The following PATJ variants were observed in gnomAD, a reference collection of about 807,000 sequenced individuals.
PATJ encodes inaD-like protein.
In PATJ, 190 loss-of-function variants were observed where a neutral mutation model predicts 224.9. The observed-to-expected ratio is 0.84, with a 90% CI of 0.75 to 0.95. The LOEUF (loss-of-function observed/expected upper bound fraction) is 0.95. Ranked by LOEUF, PATJ falls within the 40% of genes least tolerant of loss-of-function variation. The pLI is 0.00. For missense variants in PATJ, 2,121 were observed against 2,270.3 expected (o/e 0.93, Z 1.34); for synonymous variants, 769 against 820.3 (o/e 0.94, Z 1.07).
intron 41 of PATJ, among the ~76,000 whole-genome samples, chr1:62,134,591 C>T (rs577127589): frequency 1.2e-4 from 18 of 151,950 alleles, no homozygotes; most frequent in African/African-American, 4.3e-4. Context: ...GTGATCCGCC[C>T]GCCTCAGCCT....
At chr1:61,933,796 C>T (rs1331697957) in intron 27 of PATJ, among the ~76,000 whole-genome samples, 1 of 152,184 alleles carries the variant, frequency 6.6e-6, no homozygotes, top group African/African-American at 2.4e-5. Flanking sequence ...TCAGTTTTGG[C>T]TCAAGCCATT....
intron 41 of PATJ, among the ~76,000 whole-genome samples, chr1:62,131,880 T>C (rs1313118684): frequency 6.6e-6 from 1 of 152,108 alleles, no homozygotes; most frequent in Non-Finnish European, 1.5e-5. Context: ...TTATTTTTTT[T>C]TTTTTGAGAT....
intron 1 of PATJ, among the ~76,000 whole-genome samples, chr1:61,757,080 CTT>C (rs55788991): frequency 1.5e-5 from 2 of 129,180 alleles, no homozygotes; most frequent in Non-Finnish European, 3.2e-5. Context: ...GTCACTTTTA[CTT>C]TTTTTTTTTT....
chr1:62,043,297 T>C (rs1299065044), intron 30 of PATJ, among the ~76,000 whole-genome samples: 4 of 152,226 alleles, frequency 2.6e-5, no homozygotes, highest in African/African-American at 9.6e-5. Context: ...GTAATTATAA[T>C]ACCATTGGCA....
intron 27 of PATJ, among the ~76,000 whole-genome samples, chr1:61,989,460 C>T (rs1644944708): frequency 6.6e-6 from 1 of 152,108 alleles, no homozygotes; most frequent in Non-Finnish European, 1.5e-5. Context: ...TCCCATAACC[C>T]AGTGTTATTT....
chr1:61,949,441 A>G lies in PATJ; in HGVS notation c.3670+21612A>G, dbSNP rs528833171. ...AATATACTAAAAATCATTGAATTGT[A>G]TATTTACAGTGAGTGAATTTTATAG... On this transcript the variant is annotated intron_variant, in intron 27 of 43. Coordinates refer to ENST00000642238, the MANE Select transcript of PATJ (RefSeq NM_001350145.3). 2.0e-5 allele frequency among the ~76,000 whole-genome samples: 3 copies of G among 152,352 alleles called. No individual in the cohort carries two copies. The South Asian group carries it at 6.2e-4, about 32-fold the overall frequency.
chr1:62,112,636 G>C (rs894112834), intron 34 of PATJ, among the ~76,000 whole-genome samples: 1 of 152,210 alleles, frequency 6.6e-6, no homozygotes, highest in Non-Finnish European at 1.5e-5. Context: ...CTGACATCTT[G>C]GGGGAGCTCA....
chr1:61,782,814 G>T (rs1158429290), intron 7 of PATJ, among the ~76,000 whole-genome samples: 1 of 152,114 alleles, frequency 6.6e-6, no homozygotes, highest in Non-Finnish European at 1.5e-5. Flanking sequence ...GGTACTTTTT[G>T]TTTTGTTTTG....
At chr1:61,813,818 A>T (rs1570661212) in intron 14 of PATJ, among the ~76,000 whole-genome samples, 1 of 152,100 alleles carries the variant, frequency 6.6e-6, no homozygotes, top group East Asian at 1.9e-4. Context: ...AACTGGCCTA[A>T]TTTTTTCTCT....
chr1:62,128,984 A>T, intron 41 of PATJ, 39 bp downstream of exon 41: 1 of 1,355,308 alleles, frequency 7.4e-7, no homozygotes. Flanking sequence ...TGCAAGGCAG[A>T]TAAGTGGCAT....
At chr1:62,140,766 G>A (rs940607730) in intron 41 of PATJ, among the ~76,000 whole-genome samples, 3 of 152,030 alleles carry the variant, frequency 2.0e-5, no homozygotes, top group Non-Finnish European at 4.4e-5. Context: ...GCAATGAGCT[G>A]GTCTCGGTGG....
intron 26 of PATJ, 141 bp from the exon 27 acceptor site, chr1:61,927,589 T>A: frequency 1.8e-6 from 1 of 567,760 alleles, no homozygotes; most frequent in Non-Finnish European, 3.1e-6. Context: ...ATACATTGTG[T>A]TTGTTTTACA....
rs540477838 is a variant in PATJ, at chr1:62,095,145, G to A, written c.4377+10497G>A. On this transcript the variant is annotated intron_variant, in intron 33 of 43. Coordinates refer to ENST00000642238, the MANE Select transcript of PATJ (RefSeq NM_001350145.3). ...TCTTCAAAGGCAATAATCTTTTATCGTGACCCATGGTGGGAAAGTAGTAGA... is the reference window on the plus strand; with the variant it reads ...TCTTCAAAGGCAATAATCTTTTATCATGACCCATGGTGGGAAAGTAGTAGA... 1.5e-4 allele frequency among the ~76,000 whole-genome samples: 23 copies of A among 152,206 alleles called. No homozygotes were observed. In the Middle Eastern group the frequency reaches 0.01, roughly 68 times the overall value.
intron 31 of PATJ, among the ~76,000 whole-genome samples, chr1:62,052,298 A>G (rs1653771539): frequency 6.6e-6 from 1 of 152,166 alleles, no homozygotes; most frequent in South Asian, 2.1e-4. Flanking sequence ...CATATCCTAG[A>G]AAGTGAGCTT....
At chr1:62,057,527 T>C (rs1654753399) in intron 31 of PATJ, among the ~76,000 whole-genome samples, 1 of 152,176 alleles carries the variant, frequency 6.6e-6, no homozygotes, top group Non-Finnish European at 1.5e-5. Flanking sequence ...GATGCCCTGG[T>C]TGAGAGTTGA....
intron 27 of PATJ, among the ~76,000 whole-genome samples, chr1:61,931,341 A>G (rs115238422): frequency 0.013 from 2,006 of 152,354 alleles, 45 homozygotes; most frequent in African/African-American, 0.042. Flanking sequence ...GATAAGGACT[A>G]TGAATAAAAC....
rs142012872 is a variant in PATJ, at chr1:61,806,873, C to T, written c.1626+1349C>T. 1.9e-3 allele frequency among the ~76,000 whole-genome samples: 287 copies of T among 152,008 alleles called. 1 individual carries two copies. The highest frequency in any genetic ancestry group is 6.5e-3 in the African/African-American group (271 of 41,462). ...TTTTTGTTAAAAACATTTTTTAGGCCGGGTGGAGTAGCTCACACCTGTAAT... is the reference window on the plus strand; with the variant it reads ...TTTTTGTTAAAAACATTTTTTAGGCTGGGTGGAGTAGCTCACACCTGTAAT... On this transcript the variant is annotated intron_variant, in intron 13 of 43. Transcript: ENST00000642238.
intron 41 of PATJ, among the ~76,000 whole-genome samples, chr1:62,136,132 A>G (rs1027194295): frequency 6.8e-6 from 1 of 146,166 alleles, no homozygotes; most frequent in African/African-American, 2.5e-5. Flanking sequence ...GGTTTAAGCA[A>G]TTCTCCTGCC....
chr1:61,987,002 C>T (rs1644798213), intron 27 of PATJ, among the ~76,000 whole-genome samples: 1 of 151,372 alleles, frequency 6.6e-6, no homozygotes. Context: ...ATAAAATTGC[C>T]TTCTAAGTTC....
Sources: gnomAD v4.1 joint callset for allele counts (sites outside exome capture counted in the v4.1 genomes callset) on GRCh38, gnomAD v4.1.1 for gene constraint, MANE v1.5 for transcripts, NCBI Gene and HGNC (gene_info 2026-07-23, HGNC 2026-07-21) for gene names.